Variants in TRAPPC9 observed in about 807,000 individuals in gnomAD.
The protein encoded by TRAPPC9 is trafficking protein particle complex subunit 9.
In TRAPPC9, 83 loss-of-function variants were observed where a neutral mutation model predicts 124.0. That is an observed-to-expected ratio of 0.67 (90% confidence interval 0.56 to 0.80). The LOEUF is 0.80. Among genes scored for constraint, TRAPPC9 ranks in the 30% least tolerant of loss-of-function variants. TRAPPC9 has a pLI of 0.00. For synonymous variants in TRAPPC9, 638 were observed against 617.5 expected (o/e 1.03, Z -0.49); for missense variants, 1,302 against 1,508.3 (o/e 0.86, Z 2.27).
At chr8:139,937,850 A>T (rs1833635219) in intron 19 of TRAPPC9, among the ~76,000 whole-genome samples, 1 of 152,302 alleles carries the variant, frequency 6.6e-6, no homozygotes, top group South Asian at 2.1e-4. Flanking sequence ...GCCATCGCTG[A>T]GCAGCTGCCA....
At chr8:140,435,585 A>C (rs2070785379) in intron 3 of TRAPPC9, among the ~76,000 whole-genome samples, 1 of 152,238 alleles carries the variant, frequency 6.6e-6, no homozygotes, top group Non-Finnish European at 1.5e-5. Context: ...GCATTCCTGC[A>C]CAAACTGTGT....
intron 17 of TRAPPC9, among the ~76,000 whole-genome samples, chr8:140,114,679 G>A (rs1196305057): frequency 2.0e-5 from 3 of 152,194 alleles, no homozygotes; most frequent in Non-Finnish European, 2.9e-5. Flanking sequence ...AAGAGGTGAA[G>A]TGCCTGTGAT....
rs116745761 is a variant in TRAPPC9, at chr8:140,345,784, A to C, written c.1495+14266T>G. ...AGGAAATGCAGGAGTCAGCTACCAAAAGACCTCAGGTTCCTGCAGTCACCA... is the reference window on the plus strand; with the variant it reads ...AGGAAATGCAGGAGTCAGCTACCAACAGACCTCAGGTTCCTGCAGTCACCA... On this transcript the variant is annotated intron_variant, in intron 9 of 22. Coordinates refer to ENST00000438773, the MANE Select transcript of TRAPPC9 (RefSeq NM_001160372.4). Among the ~76,000 whole-genome samples the C allele has an allele frequency of 2.4e-3, 369 of 152,318 alleles. 1 individual carries two copies. The highest frequency in any genetic ancestry group is 8.4e-3 in the African/African-American group (351 of 41,562).
At chr8:139,828,278 T>C (rs1825768218) in intron 21 of TRAPPC9, among the ~76,000 whole-genome samples, 1 of 152,240 alleles carries the variant, frequency 6.6e-6, no homozygotes, top group Non-Finnish European at 1.5e-5. Flanking sequence ...TTGTATTGGC[T>C]TGTCCTGAAC....
intron 21 of TRAPPC9, among the ~76,000 whole-genome samples, chr8:139,785,108 C>T (rs1822133061): frequency 6.6e-6 from 1 of 152,046 alleles, no homozygotes; most frequent in Non-Finnish European, 1.5e-5. Flanking sequence ...ATAAATAGTC[C>T]AGAAATAGAT....
intron 17 of TRAPPC9, among the ~76,000 whole-genome samples, chr8:140,102,775 A>G (rs1164422508): frequency 2.0e-5 from 3 of 152,106 alleles, no homozygotes; most frequent in Admixed American, 6.5e-5. Context: ...CGGAGTACAC[A>G]TGGCTGCCTC....
chr8:140,408,160 C>G (rs182224292), intron 5 of TRAPPC9, among the ~76,000 whole-genome samples: 1 of 152,206 alleles, frequency 6.6e-6, no homozygotes, highest in East Asian at 1.9e-4. Context: ...TCATCATGAA[C>G]TAGTGGACCA....
intron 17 of TRAPPC9, among the ~76,000 whole-genome samples, chr8:140,196,727 A>G (rs2062679166): frequency 2.0e-5 from 3 of 151,494 alleles, no homozygotes; most frequent in South Asian, 4.2e-4. Context: ...ACGATCCACT[A>G]CACAGCTTGC....
At chr8:140,107,997 A>T (rs2060698195) in intron 17 of TRAPPC9, among the ~76,000 whole-genome samples, 1 of 152,046 alleles carries the variant, frequency 6.6e-6, no homozygotes, top group Non-Finnish European at 1.5e-5. Flanking sequence ...ACAGACACGC[A>T]CACATATATG....
chr8:140,358,623 C>G (rs2067828556), intron 9 of TRAPPC9, among the ~76,000 whole-genome samples: 1 of 152,232 alleles, frequency 6.6e-6, no homozygotes, highest in African/African-American at 2.4e-5. Context: ...GGGTGGAGGG[C>G]TGGAGAGAAA....
chr8:139,806,482 A>G (rs1301641841), intron 21 of TRAPPC9, among the ~76,000 whole-genome samples: 1 of 152,208 alleles, frequency 6.6e-6, no homozygotes, highest in African/African-American at 2.4e-5. Flanking sequence ...GGACCCGTGA[A>G]AACAATATGT....
intron 9 of TRAPPC9, among the ~76,000 whole-genome samples, chr8:140,322,665 C>CA (rs752277470): frequency 0.026 from 3,345 of 127,098 alleles, 86 homozygotes; most frequent in African/African-American, 0.076. Flanking sequence ...CCCATCTCTA[C>CA]AAAAAAAAAA....
chr8:139,959,870 A>G (rs1336166059), intron 19 of TRAPPC9, among the ~76,000 whole-genome samples: 1 of 152,202 alleles, frequency 6.6e-6, no homozygotes, highest in Non-Finnish European at 1.5e-5. Flanking sequence ...CACCCTGGCC[A>G]CTGGCTCAGA....
At chr8:139,917,707 T>C (rs1191595543) in intron 19 of TRAPPC9, among the ~76,000 whole-genome samples, 2 of 151,770 alleles carry the variant, frequency 1.3e-5, no homozygotes, top group Non-Finnish European at 2.9e-5. Flanking sequence ...TTGCAGAAAA[T>C]AAGGTCGCTT....
At chr8:140,025,406 A>G (rs1180009836) in intron 17 of TRAPPC9, among the ~76,000 whole-genome samples, 1 of 152,214 alleles carries the variant, frequency 6.6e-6, no homozygotes, top group Non-Finnish European at 1.5e-5. Flanking sequence ...AGAATACGCA[A>G]CAGAGACCAT....
At chr8:140,016,528 G>A (rs528969178) in intron 18 of TRAPPC9, among the ~76,000 whole-genome samples, 1 of 152,194 alleles carries the variant, frequency 6.6e-6, no homozygotes, top group Non-Finnish European at 1.5e-5. Context: ...CTAGAAAGGT[G>A]TACACATGGA....
chr8:139,734,275 G>A (rs1014353589), intron 21 of TRAPPC9, among the ~76,000 whole-genome samples: 31 of 152,200 alleles, frequency 2.0e-4, no homozygotes, highest in South Asian at 1.2e-3. Context: ...TTAAGGGTAC[G>A]CAATTCTGAA....
intron 19 of TRAPPC9, among the ~76,000 whole-genome samples, chr8:139,924,027 G>A (rs1232633768): frequency 6.6e-6 from 1 of 152,172 alleles, no homozygotes; most frequent in African/African-American, 2.4e-5. Flanking sequence ...CCGAGCACGG[G>A]GAGGGGGCAT....
intron 19 of TRAPPC9, among the ~76,000 whole-genome samples, chr8:139,948,699 G>A (rs1834435147): frequency 6.6e-6 from 1 of 152,176 alleles, no homozygotes; most frequent in African/African-American, 2.4e-5. Flanking sequence ...CTAGGAGCCA[G>A]GCCTCACGCA....
Sources: allele counts gnomAD v4.1 joint callset (sites outside exome capture counted in the v4.1 genomes callset), GRCh38; gene constraint gnomAD v4.1.1; transcripts MANE v1.5; gene names NCBI Gene and HGNC (gene_info 2026-07-23, HGNC 2026-07-21).